The following DPYD variants were observed in gnomAD, a reference collection of about 807,000 sequenced individuals.
DPYD encodes the protein dihydropyrimidine dehydrogenase, also known as dihydropyrimidine dehydrogenase [NADP(+)].
In DPYD, 109 loss-of-function variants were observed where a neutral mutation model predicts 116.2. The ratio of observed to expected loss-of-function variants is 0.94; its 90% CI spans 0.80 to 1.10. The LOEUF is 1.10. DPYD is among the 50% of genes least tolerant of loss of function. DPYD has a pLI of 0.00. For missense variants in DPYD, 1,302 were observed against 1,254.5 expected (o/e 1.04, Z -0.57); for synonymous variants, 440 against 432.0 (o/e 1.02, Z -0.23).
At chr1:97,689,439 T>C (rs1660897490) in intron 7 of DPYD, among the ~76,000 whole-genome samples, 1 of 152,046 alleles carries the variant, frequency 6.6e-6, no homozygotes, top group Non-Finnish European at 1.5e-5. Context: ...AAATAAGTTC[T>C]GAACAATTAT....
At chr1:97,130,288 GA>G (rs563582363) in intron 20 of DPYD, among the ~76,000 whole-genome samples, 2 of 152,086 alleles carry the variant, frequency 1.3e-5, no homozygotes, top group Non-Finnish European at 2.9e-5. Flanking sequence ...CTACATTATG[GA>G]ACCTGTTGTT....
At chr1:97,722,473 A>T (rs1244997018) in intron 4 of DPYD, among the ~76,000 whole-genome samples, 1 of 151,588 alleles carries the variant, frequency 6.6e-6, no homozygotes, top group Non-Finnish European at 1.5e-5. Context: ...GGTGTTAATA[A>T]TAGGGGTAAT....
Position 97,893,111 on chromosome 1 carries a change from T to C in DPYD, c.40-9737A>G, listed in dbSNP as rs575846824. Among the ~76,000 whole-genome samples the C allele has an allele frequency of 1.1e-3, 169 of 151,764 alleles. 1 individual carries two copies. Among genetic ancestry groups the C allele is most frequent in the Non-Finnish European group, 1.9e-3 (131 of 67,814 alleles). Reference sequence around the variant, plus strand: ...AATAGAACTAGGTTTTAGCCACTATTAACCCAATGTATACTCATATTCCTA... The same window carrying C: ...AATAGAACTAGGTTTTAGCCACTATCAACCCAATGTATACTCATATTCCTA... On this transcript the variant is annotated intron_variant, in intron 1 of 22. Transcript: ENST00000370192.
At chr1:97,312,173 G>A (rs1667559025) in intron 16 of DPYD, among the ~76,000 whole-genome samples, 1 of 151,742 alleles carries the variant, frequency 6.6e-6, no homozygotes, top group Non-Finnish European at 1.5e-5. Flanking sequence ...CAGCAAATAT[G>A]AAAAGACATC....
intron 7 of DPYD, among the ~76,000 whole-genome samples, chr1:97,688,941 T>A (rs1444058504): frequency 6.6e-6 from 1 of 151,844 alleles, no homozygotes; most frequent in Non-Finnish European, 1.5e-5. Context: ...ATTGAAAAAT[T>A]TAACACACTT....
At chr1:97,122,749 A>G (rs1184939648) in intron 20 of DPYD, among the ~76,000 whole-genome samples, 3 of 152,054 alleles carry the variant, frequency 2.0e-5, no homozygotes, top group Non-Finnish European at 4.4e-5. Flanking sequence ...ATCTTTCCTT[A>G]TATCACTTAC....
intron 19 of DPYD, among the ~76,000 whole-genome samples, chr1:97,208,293 CTT>C (rs1219717263): frequency 8.4e-6 from 1 of 119,480 alleles, no homozygotes. Context: ...CTCTCTCTTT[CTT>C]TTTTTTTTTT....
At chr1:97,525,435 A>G (rs1648982221) in intron 12 of DPYD, among the ~76,000 whole-genome samples, 1 of 152,146 alleles carries the variant, frequency 6.6e-6, no homozygotes, top group African/African-American at 2.4e-5. Context: ...CGTACTCTGT[A>G]CTTATTTGCT....
intron 5 of DPYD, among the ~76,000 whole-genome samples, chr1:97,708,432 C>T (rs1390998739): frequency 6.6e-6 from 1 of 152,022 alleles, no homozygotes; most frequent in African/African-American, 2.4e-5. Context: ...ATTGCCTTTG[C>T]TCTTTTGTCA....
At chr1:97,572,012 T>G (rs1292677690) in intron 11 of DPYD, among the ~76,000 whole-genome samples, 2 of 151,888 alleles carry the variant, frequency 1.3e-5, no homozygotes, top group African/African-American at 4.8e-5. Context: ...AAAGTAAACA[T>G]GGAAGGCTCC....
intron 7 of DPYD, among the ~76,000 whole-genome samples, chr1:97,688,149 A>G (rs146709245): frequency 3.5e-4 from 54 of 152,350 alleles, no homozygotes; most frequent in African/African-American, 1.2e-3. Flanking sequence ...AAATAAAACT[A>G]AATTTAAAAA....
chr1:97,273,306 C>T (rs1293386287), intron 18 of DPYD, among the ~76,000 whole-genome samples: 1 of 152,066 alleles, frequency 6.6e-6, no homozygotes, highest in Non-Finnish European at 1.5e-5. Flanking sequence ...GGGTGAAACG[C>T]AATATTTTCT....
At chr1:97,079,776 T>G (rs1372975649) in intron 22 of DPYD, among the ~76,000 whole-genome samples, 1 of 152,100 alleles carries the variant, frequency 6.6e-6, no homozygotes, top group Admixed American at 6.6e-5. Flanking sequence ...CTGACACTAT[T>G]GAGCCCAGAT....
chr1:97,770,263 T>C (rs1666071715), intron 3 of DPYD, among the ~76,000 whole-genome samples: 1 of 152,150 alleles, frequency 6.6e-6, no homozygotes, highest in Non-Finnish European at 1.5e-5. Flanking sequence ...AAACACAAAT[T>C]TGGCCACTTT....
intron 19 of DPYD, among the ~76,000 whole-genome samples, chr1:97,208,293 C>CTTTTT (rs1219717263): frequency 8.4e-6 from 1 of 119,502 alleles, no homozygotes; most frequent in Non-Finnish European, 1.8e-5. Flanking sequence ...CTCTCTCTTT[C>CTTTTT]TTTTTTTTTT....
intron 19 of DPYD, among the ~76,000 whole-genome samples, chr1:97,215,757 C>T (rs1660336345): frequency 6.6e-6 from 1 of 152,178 alleles, no homozygotes; most frequent in Non-Finnish European, 1.5e-5. Context: ...AGGCCCATGA[C>T]ACTCCATCAC....
intron 13 of DPYD, among the ~76,000 whole-genome samples, chr1:97,499,101 A>C (rs1679432738): frequency 6.6e-6 from 1 of 151,684 alleles, no homozygotes; most frequent in Non-Finnish European, 1.5e-5. Context: ...TTGGAGTTAC[A>C]GCACTGACCT....
chr1:97,716,275 A>G (rs994809967), intron 5 of DPYD, among the ~76,000 whole-genome samples: 1 of 152,068 alleles, frequency 6.6e-6, no homozygotes, highest in Non-Finnish European at 1.5e-5. Flanking sequence ...TTTAACCCTT[A>G]AGAAATATCC....
At chr1:97,810,013 G>A (rs989480455) in intron 3 of DPYD, among the ~76,000 whole-genome samples, 3 of 152,080 alleles carry the variant, frequency 2.0e-5, no homozygotes, top group Non-Finnish European at 2.9e-5. Context: ...CCGGCCGGGC[G>A]TGGTGGCTCA....
Sources: allele counts gnomAD v4.1 joint callset (sites outside exome capture counted in the v4.1 genomes callset), GRCh38; gene constraint gnomAD v4.1.1; transcripts MANE v1.5; gene names NCBI Gene and HGNC (gene_info 2026-07-23, HGNC 2026-07-21).